CNTN4: variants seen among roughly 807,000 people sequenced by gnomAD.
The protein encoded by CNTN4 is contactin-4.
CNTN4 carries 77 observed loss-of-function variants against 122.5 expected under a neutral mutation model. The ratio of observed to expected loss-of-function variants is 0.63; its 90% confidence interval spans 0.52 to 0.76. The LOEUF (loss-of-function observed/expected upper bound fraction) is 0.76. CNTN4 is among the 30% of genes least tolerant of loss of function. CNTN4 has a pLI of 0.00. For synonymous variants in CNTN4, 512 were observed against 447.0 expected, an observed-to-expected ratio of 1.15 and a Z score of -1.83; for missense variants, 1,256 against 1,259.1, an observed-to-expected ratio of 1.00 and a Z score of 0.04.
At chr3:2,954,554 A>G (rs923687886) in intron 13 of CNTN4, among the ~76,000 whole-genome samples, 2 of 151,038 alleles carry the variant, frequency 1.3e-5, no homozygotes, top group Non-Finnish European at 3.0e-5. Context: ...TTCAGAGAAC[A>G]TGTGTCATCC....
intron 7 of CNTN4, among the ~76,000 whole-genome samples, chr3:2,838,586 A>C (rs1049628031): frequency 6.6e-6 from 1 of 151,084 alleles, no homozygotes; most frequent in Admixed American, 6.6e-5. Context: ...AAAAAAATTA[A>C]GCATTTTGGG....
chr3:2,141,904 T>C (rs2035014909), intron 2 of CNTN4, among the ~76,000 whole-genome samples: 1 of 152,202 alleles, frequency 6.6e-6, no homozygotes, highest in African/African-American at 2.4e-5. Context: ...GTAATAAAGA[T>C]TGAAATGCTC....
intron 3 of CNTN4, among the ~76,000 whole-genome samples, chr3:2,368,706 C>A (rs1185902984): frequency 1.3e-5 from 2 of 151,998 alleles, no homozygotes; most frequent in African/African-American, 4.8e-5. Context: ...ACTATAAAAT[C>A]TCTGACTGCA....
intron 2 of CNTN4, among the ~76,000 whole-genome samples, chr3:2,193,571 A>G (rs113317860): frequency 0.016 from 2,505 of 152,318 alleles, 29 homozygotes; most frequent in Non-Finnish European, 0.024. Flanking sequence ...GTTGTAAGGC[A>G]TATTACTGGG....
At position 2,943,630 on chromosome 3, in the gene CNTN4, A is replaced by ATATTT. The variant is rs1553702084; in HGVS notation, c.1358+17852_1358+17853insATTTT. On this transcript the variant is annotated intron_variant, in intron 13 of 24. Coordinates refer to ENST00000418658, the MANE Select transcript of CNTN4 (RefSeq NM_175607.3). ...AATATATTTATATATATATATATAT[A>ATATTT]TTTTTTTTTTTTGAGACGGAGTCTT... Among the ~76,000 whole-genome samples the ATATTT allele has an allele frequency of 9.3e-3, 1,189 of 128,112 alleles. 50 individuals carry two copies. Among genetic ancestry groups the ATATTT allele is most frequent in the Admixed American group, 0.076 (886 of 11,706 alleles). 84.0% of individuals were successfully genotyped at this position (128,112 alleles called of 152,430 possible).
chr3:2,408,818 A>C (rs1406718915), intron 3 of CNTN4, among the ~76,000 whole-genome samples: 1 of 152,210 alleles, frequency 6.6e-6, no homozygotes, highest in Non-Finnish European at 1.5e-5. Flanking sequence ...AAGGGATTCC[A>C]GATGCTATTT....
At chr3:2,145,854 G>A (rs574572218) in intron 2 of CNTN4, among the ~76,000 whole-genome samples, 1 of 151,794 alleles carries the variant, frequency 6.6e-6, no homozygotes, top group African/African-American at 2.4e-5. Flanking sequence ...GGATTAGAAG[G>A]CTTAAGTAAT....
chr3:2,451,887 T>C (rs954509092), intron 3 of CNTN4, among the ~76,000 whole-genome samples: 5 of 152,126 alleles, frequency 3.3e-5, no homozygotes, highest in Admixed American at 6.6e-5. Flanking sequence ...AACCCATTTA[T>C]CTCTTTCCCT....
intron 3 of CNTN4, among the ~76,000 whole-genome samples, chr3:2,491,042 G>A (rs2076302059): frequency 6.6e-6 from 1 of 152,108 alleles, no homozygotes; most frequent in African/African-American, 2.4e-5. Context: ...TTCCAGGAGG[G>A]TAGAATCTTC....
intron 24 of CNTN4, 47 bp downstream of exon 24, chr3:3,054,022 A>G (rs1701538500): frequency 6.3e-7 from 1 of 1,595,774 alleles, no homozygotes; most frequent in Admixed American, 1.7e-5. Context: ...GTCTTATCTT[A>G]TCAGCCTTCC....
intron 2 of CNTN4, among the ~76,000 whole-genome samples, chr3:2,329,735 A>G (rs917428211): frequency 7.3e-5 from 11 of 151,414 alleles, no homozygotes; most frequent in Admixed American, 2.0e-4. Context: ...TTATTGAGGC[A>G]TTTTTTTTTA....
At chr3:2,368,699 A>G (rs1559492703) in intron 3 of CNTN4, among the ~76,000 whole-genome samples, 1 of 152,176 alleles carries the variant, frequency 6.6e-6, no homozygotes, top group Non-Finnish European at 1.5e-5. Flanking sequence ...GTGCAAGACT[A>G]TAAAATCTCT....
At chr3:2,110,407 A>G (rs540467097) in intron 2 of CNTN4, 2 of 152,378 alleles carry the variant, frequency 1.3e-5, no homozygotes. Flanking sequence ...TACAGAACGT[A>G]GTATACTTAA....
intron 6 of CNTN4, among the ~76,000 whole-genome samples, chr3:2,776,274 CTTTTT>C (rs10575193): frequency 2.1e-3 from 281 of 134,144 alleles, no homozygotes; most frequent in South Asian, 4.5e-3. Flanking sequence ...ATAAGTGTTT[CTTTTT>C]TTTTTTTTTT....
chr3:2,682,951 C>G (rs763858093), intron 4 of CNTN4, among the ~76,000 whole-genome samples: 88 of 152,034 alleles, frequency 5.8e-4, no homozygotes, highest in Non-Finnish European at 6.8e-4. Flanking sequence ...ATTTGACACT[C>G]TGAAACTGAA....
At chr3:2,566,861 G>A (rs1393151349) in intron 3 of CNTN4, among the ~76,000 whole-genome samples, 1 of 152,156 alleles carries the variant, frequency 6.6e-6, no homozygotes, top group Non-Finnish European at 1.5e-5. Flanking sequence ...CTGCTATGAG[G>A]CTTTGAAAAA....
intron 4 of CNTN4, among the ~76,000 whole-genome samples, chr3:2,588,290 T>A (rs1445508883): frequency 6.6e-6 from 1 of 152,166 alleles, no homozygotes; most frequent in Non-Finnish European, 1.5e-5. Flanking sequence ...ACTTTATTTT[T>A]AGTTTAATCA....
At chr3:2,925,551 G>GA (rs2094465935) in intron 12 of CNTN4, 78 bp from the exon 13 acceptor site, 1 of 1,469,502 alleles carries the variant, frequency 6.8e-7, no homozygotes, top group Non-Finnish European at 9.4e-7. Flanking sequence ...TCTCAAAAAA[G>GA]AAAGAAAGAA....
At chr3:2,358,361 G>A (rs1481362784) in intron 3 of CNTN4, among the ~76,000 whole-genome samples, 1 of 152,022 alleles carries the variant, frequency 6.6e-6, no homozygotes, top group South Asian at 2.1e-4. Context: ...CACTTAACCA[G>A]TGCTTGGCAT....
Sources: allele counts gnomAD v4.1 joint callset (sites outside exome capture counted in the v4.1 genomes callset), GRCh38; gene constraint gnomAD v4.1.1; transcripts MANE v1.5; gene names NCBI Gene and HGNC (gene_info 2026-07-23, HGNC 2026-07-21).